MVB12B: variants seen among roughly 807,000 people sequenced by gnomAD.
MVB12B encodes the protein ESCRT-I complex subunit MVB12B.
MVB12B carries 16 observed loss-of-function variants against 41.6 expected under a neutral mutation model. The observed-to-expected ratio is 0.38, with a 90% CI of 0.26 to 0.58. MVB12B has a LOEUF of 0.58. Ranked by LOEUF, MVB12B falls within the 20% of genes least tolerant of loss-of-function variation. The pLI, the probability that MVB12B is intolerant of heterozygous loss-of-function variation, is 0.62. For synonymous variants in MVB12B, 133 were observed against 139.7 expected (o/e 0.95, Z 0.34); for missense variants, 274 against 380.2 (o/e 0.72, Z 2.32).
At chr9:126,431,097 G>C (rs192288655) in intron 7 of MVB12B, among the ~76,000 whole-genome samples, 202 of 152,316 alleles carry the variant, frequency 1.3e-3, no homozygotes, top group African/African-American at 4.7e-3. Flanking sequence ...GGCCCAGCAC[G>C]GTCTTCATCT....
At chr9:126,352,440 C>T (rs1342159789) in intron 2 of MVB12B, among the ~76,000 whole-genome samples, 5 of 152,140 alleles carry the variant, frequency 3.3e-5, no homozygotes, top group Non-Finnish European at 7.4e-5. Flanking sequence ...AAACATCTTC[C>T]CTCTTGCTAG....
chr9:126,422,064 C>A, intron 7 of MVB12B, 116 bp downstream of exon 7: 1 of 755,800 alleles, frequency 1.3e-6, no homozygotes, highest in Non-Finnish European at 2.3e-6. Flanking sequence ...CTTTTCTTCC[C>A]TGCAGGGGAC....
chr9:126,381,152 G>C lies in MVB12B; in HGVS notation c.293G>C (p.Arg98Thr), dbSNP rs531823720. ...SKVTRYLCFT[R>T]SFSKENSHLG... ...GTTACCAGATACCTGTGTTTCACAA[G>C]ATCATTTTCCAAAGAAAATGTAAGT... The change falls in exon 3 of 10, where the codon AGA (arginine) becomes ACA (threonine). Residue 98 changes from arginine to threonine, a missense_variant. Transcript: ENST00000361171. 6.2e-7 allele frequency: 1 copy of C among 1,613,538 alleles called. No homozygotes were observed. The highest frequency in any genetic ancestry group is 1.1e-5 in the South Asian group (1 of 91,080).
chr9:126,470,028 T>C (rs1588196874), intron 7 of MVB12B, among the ~76,000 whole-genome samples: 2 of 152,222 alleles, frequency 1.3e-5, no homozygotes, highest in Admixed American at 1.3e-4. Context: ...CATAAGGCCC[T>C]AGGTACAAAC....
chr9:126,408,094 G>A (rs751183343), intron 6 of MVB12B: 4 of 152,106 alleles, frequency 2.6e-5, no homozygotes, highest in Admixed American at 1.3e-4. Context: ...AATATCTTTC[G>A]GTGGAAACTT....
At chr9:126,343,632 A>G (rs191713227) in intron 2 of MVB12B, among the ~76,000 whole-genome samples, 1 of 152,184 alleles carries the variant, frequency 6.6e-6, no homozygotes, top group African/African-American at 2.4e-5. Context: ...ATAAATGCTT[A>G]TGGCCAAGCA....
At chr9:126,484,130 G>A (rs1465336229) in intron 9 of MVB12B, 98 bp downstream of exon 9, 1 of 1,122,828 alleles carries the variant, frequency 8.9e-7, no homozygotes, top group African/African-American at 1.5e-5. Context: ...CCAAGAGAGG[G>A]ACAGGTGGAG....
chr9:126,490,524 C>T (rs1003692195), intron 9 of MVB12B, among the ~76,000 whole-genome samples: 2 of 152,232 alleles, frequency 1.3e-5, no homozygotes, highest in African/African-American at 2.4e-5. Flanking sequence ...TCCCCGTTCC[C>T]TTCCAGGAGT....
chr9:126,445,911 A>G (rs757169682), intron 7 of MVB12B, among the ~76,000 whole-genome samples: 4 of 152,234 alleles, frequency 2.6e-5, no homozygotes, highest in Non-Finnish European at 5.9e-5. Flanking sequence ...TCATCTGCAA[A>G]TACAGATCAT....
chr9:126,333,884 TC>T lies in MVB12B; in HGVS notation c.82-6622del, dbSNP rs1430746158. On this transcript the variant is annotated intron_variant, in intron 1 of 9. Transcript: ENST00000361171. The surrounding 1 kb of genome is among the most constrained non-coding windows in gnomAD (Gnocchi z 4.7). ...ATCCATCCATCCATCCATCCATCCA[TC>T]CATTCGTTCATCAAATACCTGATGA... Among the ~76,000 whole-genome samples, 5 of 145,252 alleles carry T rather than the reference TC, an allele frequency of 3.4e-5. No homozygotes were observed. Among genetic ancestry groups the T allele is most frequent in the South Asian group, 2.2e-4 (1 of 4,510 alleles).
intron 7 of MVB12B, among the ~76,000 whole-genome samples, chr9:126,455,570 G>A (rs1054839790): frequency 2.6e-5 from 4 of 152,016 alleles, no homozygotes; most frequent in African/African-American, 9.7e-5. Flanking sequence ...CTGCAGCCTC[G>A]ACTTCCCAGG....
chr9:126,388,293 G>T (rs1395339221), intron 4 of MVB12B, among the ~76,000 whole-genome samples: 2 of 152,200 alleles, frequency 1.3e-5, no homozygotes, highest in African/African-American at 4.8e-5. Context: ...CATACAGCGT[G>T]TGGTCTTTTG....
Position 126,391,238 on chromosome 9 carries a change from G to C in MVB12B, c.410-828G>C, listed in dbSNP as rs531673771. 2.6e-5 allele frequency among the ~76,000 whole-genome samples: 4 copies of C among 152,186 alleles called. No individual in the cohort carries two copies. Among genetic ancestry groups the C allele is most frequent in the African/African-American group, 9.7e-5 (4 of 41,438 alleles). On this transcript the variant is annotated intron_variant, in intron 4 of 9. Transcript: ENST00000361171. The surrounding 1 kb of genome is among the most constrained non-coding windows in gnomAD (Gnocchi z 4.4). Reference sequence around the variant, plus strand: ...TAACCTGAGTCTAATCGAGGCTTTAGCTCTGCCAGCCTACAGGAGGCACAG... The same window carrying C: ...TAACCTGAGTCTAATCGAGGCTTTACCTCTGCCAGCCTACAGGAGGCACAG...
chr9:126,400,723 G>A (rs1189119320), intron 6 of MVB12B, among the ~76,000 whole-genome samples: 1 of 152,200 alleles, frequency 6.6e-6, no homozygotes, highest in Non-Finnish European at 1.5e-5. Flanking sequence ...CCAGTGCCGA[G>A]GTCAGAGGAG....
At chr9:126,363,656 G>A (rs1370691778) in intron 2 of MVB12B, among the ~76,000 whole-genome samples, 5 of 152,274 alleles carry the variant, frequency 3.3e-5, no homozygotes, top group Middle Eastern at 3.4e-3. Flanking sequence ...ACCACCAAGC[G>A]CTGAGCACCT....
chr9:126,354,347 T>A (rs1829827189), intron 2 of MVB12B, among the ~76,000 whole-genome samples: 1 of 152,254 alleles, frequency 6.6e-6, no homozygotes, highest in South Asian at 2.1e-4. Context: ...TTTTATGTAA[T>A]CATATCTGTC....
rs1180333513 is a variant in MVB12B at position 126,482,756 on chromosome 9, G to GC, written c.814-1213dup. The stretch of plus-strand genomic sequence containing the variant: ...CGCGAGCGGAACGTGTGACTCGGTG[G>GC]CCCCGTCCCAAGATCGCCCTCGCGA... On this transcript the variant is annotated intron_variant, in intron 8 of 9. Coordinates refer to ENST00000361171, the MANE Select transcript of MVB12B (RefSeq NM_033446.3). 2.6e-5 allele frequency among the ~76,000 whole-genome samples: 4 copies of GC among 152,070 alleles called. No homozygotes were observed. In the East Asian group the frequency reaches 5.8e-4, roughly 22 times the overall value.
At chr9:126,344,453 G>A (rs1829534795) in intron 2 of MVB12B, among the ~76,000 whole-genome samples, 1 of 152,206 alleles carries the variant, frequency 6.6e-6, no homozygotes, top group South Asian at 2.1e-4. Context: ...TTTCGCAGGA[G>A]ACTGCCTCAA....
chr9:126,393,722 A>C (rs1831023579), intron 5 of MVB12B, among the ~76,000 whole-genome samples: 1 of 152,216 alleles, frequency 6.6e-6, no homozygotes, highest in African/African-American at 2.4e-5. Flanking sequence ...CCAGGTGTGC[A>C]CTTTACTCGG....
Sources: gnomAD v4.1 joint callset for allele counts (sites outside exome capture counted in the v4.1 genomes callset) on GRCh38, gnomAD v4.1.1 for gene constraint, Gnocchi (gnomAD v3.1) non-coding constraint, MANE v1.5 for transcripts, NCBI Gene and HGNC (gene_info 2026-07-23, HGNC 2026-07-21) for gene names.